RSPH9: variants seen among roughly 807,000 people sequenced by gnomAD.
RSPH9 encodes the protein radial spoke head protein 9 homolog.
RSPH9 carries 27 observed loss-of-function variants against 27.0 expected under a neutral mutation model. The observed-to-expected ratio is 1.00, with a 90% CI of 0.74 to 1.38. The LOEUF (loss-of-function observed/expected upper bound fraction) is 1.38. Ranked by LOEUF, RSPH9 falls within the 40% of genes most tolerant of loss-of-function variation. The probability of loss-of-function intolerance (pLI) is 0.00; values close to 1 mark genes in which losing one functional copy is unlikely to be tolerated. For synonymous variants in RSPH9, 145 were observed against 147.7 expected (o/e 0.98, Z 0.13); for missense variants, 347 against 357.4 (o/e 0.97, Z 0.24).
intron 4 of RSPH9, among the ~76,000 whole-genome samples, chr6:43,660,844 G>A (rs1443915742): frequency 6.6e-6 from 1 of 152,118 alleles, no homozygotes; most frequent in Non-Finnish European, 1.5e-5. Flanking sequence ...AGATCCATCA[G>A]AGGAATCATT....
intron 2 of RSPH9, among the ~76,000 whole-genome samples, chr6:43,654,577 G>C (rs1771817163): frequency 6.6e-6 from 1 of 152,078 alleles, no homozygotes; most frequent in Admixed American, 6.6e-5. Flanking sequence ...AATCCCAGCA[G>C]TCTGGGAGGC....
At position 43,670,867 on chromosome 6, in the gene RSPH9, A is replaced by G. The variant is rs200144701; in HGVS notation, c.749A>G (p.Tyr250Cys). 1.2e-5 allele frequency: 19 copies of G among 1,614,210 alleles called. No homozygotes were observed. The highest frequency in any genetic ancestry group is 1.4e-5 in the Non-Finnish European group (17 of 1,180,040). The change falls in exon 5 of 5, where the codon TAC (tyrosine) becomes TGC (cysteine). Residue 250 changes from tyrosine to cysteine, a missense_variant. Tyr to Cys is a radical substitution (Grantham distance 194). Coordinates refer to ENST00000372163, the MANE Select transcript of RSPH9 (RefSeq NM_152732.5). ...CTGCTCTGGCCGGGCCTCACCTTCT[A>G]CCATGCTCCCCGCACCAAGAACTAT... The part of the protein sequence containing the change: ...RSLLWPGLTF[Y>C]HAPRTKNYGY...
intron 4 of RSPH9, among the ~76,000 whole-genome samples, chr6:43,666,893 G>A (rs535062819): frequency 1.2e-4 from 18 of 152,238 alleles, no homozygotes; most frequent in South Asian, 4.2e-4. Flanking sequence ...GATTACAGGC[G>A]CATGTCACCA....
intron 3 of RSPH9, among the ~76,000 whole-genome samples, chr6:43,656,354 G>A (rs1772050614): frequency 6.6e-6 from 1 of 152,138 alleles, no homozygotes; most frequent in Non-Finnish European, 1.5e-5. Flanking sequence ...CCAAAGTGCT[G>A]GGATTACAGG....
At chr6:43,669,769 C>T (rs1773527124) in intron 4 of RSPH9, among the ~76,000 whole-genome samples, 1 of 152,238 alleles carries the variant, frequency 6.6e-6, no homozygotes, top group Non-Finnish European at 1.5e-5. Flanking sequence ...CTGTGGCTCC[C>T]TCCCTCGGTT....
At chr6:43,651,397 T>C (rs896011886) in intron 2 of RSPH9, among the ~76,000 whole-genome samples, 2 of 152,316 alleles carry the variant, frequency 1.3e-5, no homozygotes, top group Admixed American at 1.3e-4. Context: ...CAGGCTCTTA[T>C]ATTTTAGTAT....
chr6:43,661,586 G>A (rs970007280), intron 4 of RSPH9, among the ~76,000 whole-genome samples: 2 of 151,118 alleles, frequency 1.3e-5, no homozygotes, highest in African/African-American at 4.9e-5. Flanking sequence ...GCTTGAACCC[G>A]GGAGGCAGAG....
At position 43,645,208 on chromosome 6, in the gene RSPH9, G is replaced by C. The variant is rs1770713392; in HGVS notation, c.110G>C (p.Arg37Pro). Residue 37 changes from arginine to proline, a missense_variant, in exon 1 of 5, where the codon CGC (arginine) becomes CCC (proline). Arg to Pro is a moderately radical substitution (Grantham distance 103). Transcript: ENST00000372163. ...SLLTSLMLVK[R>P]DYRYDRVLFW... ...CTCACGTCTCTTATGCTGGTTAAGC[G>C]CGACTACCGCTATGATCGGGTTCTC... 1.9e-6 allele frequency: 3 copies of C among 1,614,020 alleles called. No homozygotes were observed. The highest frequency in any genetic ancestry group is 2.7e-5 in the African/African-American group (2 of 75,072).
Position 43,672,187 on chromosome 6 carries a change from T to G in RSPH9, c.*1238T>G. The G allele has an allele frequency of 1.9e-6, 1 of 523,684 alleles. No individual in the cohort carries two copies. The highest frequency in any genetic ancestry group is 3.6e-6 in the Non-Finnish European group (1 of 279,300). 32.4% of individuals were successfully genotyped at this position (523,684 alleles called of 1,614,324 possible). ...TGTAAATGTCAATGTTGGTGTGTGT[T>G]TGCTGAGGAAAAGGTGGCGAAGAGG... On this transcript the variant is annotated 3_prime_UTR_variant, in exon 5 of 5. Coordinates refer to ENST00000372163, the MANE Select transcript of RSPH9 (RefSeq NM_152732.5).
intron 4 of RSPH9, among the ~76,000 whole-genome samples, chr6:43,665,957 C>T (rs1773095488): frequency 6.6e-6 from 1 of 152,110 alleles, no homozygotes; most frequent in South Asian, 2.1e-4. Context: ...TCCCGAGTAG[C>T]TGGGACTACA....
At chr6:43,662,236 C>A (rs1459263594) in intron 4 of RSPH9, among the ~76,000 whole-genome samples, 2 of 152,194 alleles carry the variant, frequency 1.3e-5, no homozygotes, top group African/African-American at 4.8e-5. Flanking sequence ...CACCTCTCAG[C>A]CTTCATAGAA....
rs1163299257 is a variant in RSPH9 at position 43,660,039 on chromosome 6, C to CTTT, written c.670+3336_670+3338dup. Among the ~76,000 whole-genome samples the CTTT allele has an allele frequency of 2.8e-3, 310 of 109,310 alleles. 1 individual carries two copies. Among genetic ancestry groups the CTTT allele is most frequent in the East Asian group, 8.0e-3 (27 of 3,370 alleles). The allele number at this position is 109,310 out of a possible 152,430, so 71.7% of individuals were successfully genotyped here. On this transcript the variant is annotated intron_variant, in intron 4 of 4. Coordinates refer to ENST00000372163, the MANE Select transcript of RSPH9 (RefSeq NM_152732.5). ...CGTGAGCCACCATGCCCAGCCTGGC[C>CTTT]TTTTTTTTTTTTTTTTTTTTTTGAG...
At chr6:43,658,616 C>T (rs1226955569) in intron 4 of RSPH9, among the ~76,000 whole-genome samples, 7 of 152,302 alleles carry the variant, frequency 4.6e-5, no homozygotes, top group Admixed American at 2.6e-4. Context: ...TCTCGGCTCA[C>T]TGCAAGCTCC....
chr6:43,650,915 A>AG (rs1052518510), intron 2 of RSPH9, among the ~76,000 whole-genome samples: 15 of 151,458 alleles, frequency 9.9e-5, no homozygotes, highest in East Asian at 7.7e-4. Context: ...TAAAAAAAAA[A>AG]AAAAGAAAAG....
In RSPH9 at chr6:43,656,581, G is replaced by A; in HGVS notation, c.528G>A (p.Leu176=). The change falls in exon 4 of 5, where the codon CTG becomes CTA. Residue 176 remains leucine (L), a synonymous_variant. Transcript: ENST00000372163. ...PTHVNRTFEG[L]SLSEAKKLSS... ...CTGCCTGCCACCTCTTTCTAGGACT[G>A]TCCTTGTCTGAGGCCAAGAAGCTCA... The A allele has an allele frequency of 6.2e-7, 1 of 1,614,212 alleles. No homozygotes were observed. Among genetic ancestry groups the A allele is most frequent in the Non-Finnish European group, 8.5e-7 (1 of 1,180,042 alleles).
Position 43,645,149 on chromosome 6 carries a change from G to A in RSPH9, c.51G>A (p.Gly17=), listed in dbSNP as rs778584526. 13 of 1,613,374 alleles carry A rather than the reference G, an allele frequency of 8.1e-6. No homozygotes were observed. Among genetic ancestry groups the A allele is most frequent in the South Asian group, 3.3e-5 (3 of 91,082 alleles). The change falls in exon 1 of 5, where the codon GGG becomes GGA. Residue 17 remains glycine (G), a synonymous_variant. Coordinates refer to ENST00000372163, the MANE Select transcript of RSPH9 (RefSeq NM_152732.5). ...CTCTGGAGCTGGCGTCCGGCAGTGGGCAGGGCCTCAGCCCGGACCGTCGGG... is the reference window on the plus strand; with the variant it reads ...CTCTGGAGCTGGCGTCCGGCAGTGGACAGGGCCTCAGCCCGGACCGTCGGG... The part of the protein sequence containing the change: ...LLSLELASGS[G]QGLSPDRRAS...
Position 43,656,598 on chromosome 6 carries a change from A to G in RSPH9, c.545A>G (p.Lys182Arg), listed in dbSNP as rs371238773. 1.9e-6 allele frequency: 3 copies of G among 1,614,078 alleles called. No individual in the cohort carries two copies. The highest frequency in any genetic ancestry group is 2.7e-5 in the African/African-American group (2 of 74,932). ...CTAGGACTGTCCTTGTCTGAGGCCAAGAAGCTCAGCTCCTACTTCCATTTC... is the reference window on the plus strand; with the variant it reads ...CTAGGACTGTCCTTGTCTGAGGCCAGGAAGCTCAGCTCCTACTTCCATTTC... Reference protein sequence around the residue: ...TFEGLSLSEAKKLSSYFHFRE... With the variant: ...TFEGLSLSEARKLSSYFHFRE... The change falls in exon 4 of 5, where the codon AAG becomes AGG. Residue 182 changes from lysine (K) to arginine (R), a missense_variant. Physicochemically the swap from Lys to Arg is conservative, Grantham distance 26. Transcript: ENST00000372163.
intron 1 of RSPH9, among the ~76,000 whole-genome samples, chr6:43,648,906 G>A (rs1346563245): frequency 6.6e-6 from 1 of 152,178 alleles, no homozygotes; most frequent in Non-Finnish European, 1.5e-5. Flanking sequence ...GGAGATGTCA[G>A]AGGAAATAGA....
chr6:43,646,817 G>A lies in RSPH9; in HGVS notation c.227+1492G>A, dbSNP rs939389541. Among the ~76,000 whole-genome samples, 4 of 151,758 alleles carry A rather than the reference G, an allele frequency of 2.6e-5. 1 individual carries two copies. Among genetic ancestry groups the A allele is most frequent in the African/African-American group, 4.8e-5 (2 of 41,356 alleles). ...TGAAAATACGAAAAATTAGACGGGC[G>A]TGGTGGCGGGCGCCTGTAGTCCTAG... is the stretch of plus-strand genomic sequence containing the variant. On this transcript the variant is annotated intron_variant, in intron 1 of 4. Coordinates refer to ENST00000372163, the MANE Select transcript of RSPH9 (RefSeq NM_152732.5).
Sources: gnomAD v4.1 joint callset for allele counts (sites outside exome capture counted in the v4.1 genomes callset) on GRCh38, gnomAD v4.1.1 for gene constraint, MANE v1.5 for transcripts, NCBI Gene and HGNC (gene_info 2026-07-23, HGNC 2026-07-21) for gene names.